COL6A3: variants seen among roughly 807,000 people sequenced by gnomAD.
The protein encoded by COL6A3 is collagen type VI alpha 3 chain.
COL6A3 carries 137 observed loss-of-function variants against 274.1 expected under a neutral mutation model. The observed-to-expected ratio is 0.50, with a 90% confidence interval of 0.44 to 0.58. The LOEUF is 0.58. COL6A3 is among the 20% of genes least tolerant of loss of function. The pLI, the probability that COL6A3 is intolerant of heterozygous loss-of-function variation, is 0.00. For synonymous variants in COL6A3, 1,650 were observed against 1,650.6 expected (o/e 1.00, Z 0.01); for missense variants, 3,950 against 4,124.9 (o/e 0.96, Z 1.16).
Position 237,371,555 on chromosome 2 carries a change from G to A in COL6A3, c.4285+177C>T. The A allele has an allele frequency of 7.3e-7, 1 of 1,370,410 alleles. No individual in the cohort carries two copies. 84.9% of individuals were successfully genotyped at this position (1,370,410 alleles called of 1,614,324 possible). ...AGAGGTTAAAATGAGTTATGATCAT[G>A]CCACTGCACTCCAGCCTGGACGACA... On this transcript the variant is annotated intron_variant, in intron 9 of 43. Coordinates refer to ENST00000295550, the MANE Select transcript of COL6A3 (RefSeq NM_004369.4). The surrounding 1 kb of genome is among the most constrained non-coding windows in gnomAD (Gnocchi z 4.3).
chr2:237,380,112 G>A (rs1405743642), intron 5 of COL6A3, among the ~76,000 whole-genome samples: 1 of 143,338 alleles, frequency 7.0e-6, no homozygotes, highest in Non-Finnish European at 1.5e-5. Context: ...AAAGTTTTAA[G>A]AAAAATTTTA....
At chr2:237,395,769 CTT>C (rs966971809) in intron 2 of COL6A3, among the ~76,000 whole-genome samples, 1 of 152,166 alleles carries the variant, frequency 6.6e-6, no homozygotes, top group African/African-American at 2.4e-5. Flanking sequence ...AGGGAAAAGA[CTT>C]ATTTTTTCCA....
chr2:237,400,476 A>G (rs1393102524), intron 1 of COL6A3, among the ~76,000 whole-genome samples: 1 of 152,214 alleles, frequency 6.6e-6, no homozygotes, highest in Admixed American at 6.5e-5. Flanking sequence ...TGAGGAAAAT[A>G]GCACACCAAG....
At position 237,340,909 on chromosome 2, in the gene COL6A3, G is replaced by A. The variant is rs528369978; in HGVS notation, c.8007C>T (p.His2669=). Residue 2669 remains histidine, a synonymous_variant, in exon 38 of 44, where the codon CAC becomes CAT. Coordinates refer to ENST00000295550, the MANE Select transcript of COL6A3 (RefSeq NM_004369.4). ...QHFARVAVVQ[H]APSESVDNAS... is the part of the protein sequence containing the mutation. ...CATTGTCCACGGACTCAGAGGGCGC[G>A]TGCTGCACAACTGCCACTCTGGCGA... 336 of 1,613,326 alleles carry A rather than the reference G, an allele frequency of 2.1e-4. 2 individuals are homozygous for A. Among genetic ancestry groups the A allele is most frequent in the South Asian group, 1.9e-3 (176 of 91,038 alleles).
intron 1 of COL6A3, among the ~76,000 whole-genome samples, chr2:237,399,418 C>A (rs2106395044): frequency 6.6e-6 from 1 of 152,318 alleles, no homozygotes; most frequent in South Asian, 2.1e-4. Flanking sequence ...TTGGTAAATG[C>A]CTGACGCGGA....
intron 37 of COL6A3, among the ~76,000 whole-genome samples, chr2:237,341,557 A>C (rs1456568469): frequency 1.3e-5 from 2 of 151,082 alleles, no homozygotes; most frequent in East Asian, 1.9e-4. Context: ...AAAAAAAAAA[A>C]AAAAAAAAAA....
chr2:237,367,195 T>G lies in COL6A3; in HGVS notation c.4992A>C (p.Glu1664Asp). 6.2e-7 allele frequency: 1 copy of G among 1,614,056 alleles called. No homozygotes were observed. Among genetic ancestry groups the G allele is most frequent in the Non-Finnish European group, 8.5e-7 (1 of 1,179,938 alleles). Residue 1664 changes from glutamate to aspartate, a missense_variant, in exon 11 of 44, where the codon GAA becomes GAC. This residue lies in a region of COL6A3 where 632 missense variants were observed against 623.4 expected (regional missense o/e 1.01). Transcript: ENST00000295550. ...CATCTTCATAAACTGTGTCCACTAT[T>G]TCAGACACAAAACGAAGCACTTCCT... ...SFQEVLRFVS[E>D]IVDTVYEDGD...
At chr2:237,333,698 A>T in intron 41 of COL6A3, 150 bp from the exon 42 acceptor site, 2 of 703,268 alleles carry the variant, frequency 2.8e-6, no homozygotes, top group Non-Finnish European at 4.9e-6. Flanking sequence ...ACACCTCTAC[A>T]TCCACGACTT....
In COL6A3 at chr2:237,403,968, T is replaced by TA. The variant is rs373585691; in HGVS notation, c.-30-7122dup. Among the ~76,000 whole-genome samples, 949 of 142,622 alleles carry TA rather than the reference T, an allele frequency of 6.7e-3. 10 individuals are homozygous for TA. The highest frequency in any genetic ancestry group is 0.022 in the African/African-American group (874 of 39,120). The allele number at this position is 142,622 out of a possible 152,430, so 93.6% of individuals were successfully genotyped here. A position where few individuals can be genotyped will look rare whatever the true frequency, so the allele number is the denominator to read the frequency against. Reference sequence around the variant, plus strand: ...ACCCATTCCTGAGTGTTTCTTCAAATAAAAAAAAAAAGCAATTGCAATATC... The same window carrying TA: ...ACCCATTCCTGAGTGTTTCTTCAAATAAAAAAAAAAAAGCAATTGCAATATC... On this transcript the variant is annotated intron_variant, in intron 1 of 43. Coordinates refer to ENST00000295550, the MANE Select transcript of COL6A3 (RefSeq NM_004369.4).
At chr2:237,363,208 T>G in intron 14 of COL6A3, 45 bp downstream of exon 14, 6 of 1,590,082 alleles carry the variant, frequency 3.8e-6, no homozygotes, top group Non-Finnish European at 5.2e-6. Context: ...CCAAAAGGTG[T>G]GGTATCTACA....
chr2:237,394,231 A>G (rs1173684338), intron 3 of COL6A3, among the ~76,000 whole-genome samples: 1 of 152,246 alleles, frequency 6.6e-6, no homozygotes, highest in Admixed American at 6.5e-5. Context: ...TAAAGGAAAC[A>G]GATCCCAACA....
intron 4 of COL6A3, among the ~76,000 whole-genome samples, chr2:237,386,882 G>A (rs986414590): frequency 3.9e-5 from 6 of 152,152 alleles, no homozygotes; most frequent in African/African-American, 1.4e-4. Context: ...TTTGTTAAGT[G>A]CATATTTGTT....
At chr2:237,350,399 T>C (rs2077180887) in intron 27 of COL6A3, among the ~76,000 whole-genome samples, 190 bp from the exon 28 acceptor site, 1 of 152,116 alleles carries the variant, frequency 6.6e-6, no homozygotes, top group African/African-American at 2.4e-5. Flanking sequence ...GAGGGTTTTG[T>C]TTGTCCTTTT....
intron 4 of COL6A3, among the ~76,000 whole-genome samples, chr2:237,386,086 G>C (rs191393227): frequency 2.6e-5 from 4 of 152,330 alleles, no homozygotes; most frequent in Non-Finnish European, 5.9e-5. Flanking sequence ...GCCATAGCCT[G>C]AGCTTTCTAC....
Position 237,381,613 on chromosome 2 carries a change from G to C in COL6A3, c.1313-114C>G, listed in dbSNP as rs1273990539. 13 of 880,210 alleles carry C rather than the reference G, an allele frequency of 1.5e-5. 1 individual carries two copies. The South Asian group carries it at 1.7e-4, about 12-fold the overall frequency. 54.5% of individuals were successfully genotyped at this position (880,210 alleles called of 1,614,324 possible). A position where few individuals can be genotyped will look rare whatever the true frequency, so the allele number is the denominator to read the frequency against. On this transcript the variant is annotated intron_variant, in intron 4 of 43. Transcript: ENST00000295550. ...GACACCCTCATTTACTGTGGCCAAC[G>C]TGACCACAGGGCCACCCCAAAGGGA...
chr2:237,349,092 C>G (rs1227705878), intron 28 of COL6A3, among the ~76,000 whole-genome samples: 2 of 151,578 alleles, frequency 1.3e-5, no homozygotes, highest in African/African-American at 4.9e-5. Context: ...GGTCATATTC[C>G]CCCTCCCCAT....
chr2:237,396,011 G>A lies in COL6A3; in HGVS notation c.91+716C>T, dbSNP rs73093796. Among the ~76,000 whole-genome samples, 403 of 152,290 alleles carry A rather than the reference G, an allele frequency of 2.6e-3. 4 individuals carry two copies. The highest frequency in any genetic ancestry group is 9.4e-3 in the African/African-American group (391 of 41,562). On this transcript the variant is annotated intron_variant, in intron 2 of 43. Coordinates refer to ENST00000295550, the MANE Select transcript of COL6A3 (RefSeq NM_004369.4). Reference sequence around the variant, plus strand: ...TCTACTTACCTCAGGCTGACCTGATGCCCCAACCCACGTTCTTCTTCCATT... The same window carrying A: ...TCTACTTACCTCAGGCTGACCTGATACCCCAACCCACGTTCTTCTTCCATT...
In COL6A3 at chr2:237,407,140, G is replaced by A. The variant is rs1203253542; in HGVS notation, c.-31+6813C>T. Among the ~76,000 whole-genome samples, 1 of 151,834 alleles carries A rather than the reference G, an allele frequency of 6.6e-6. No homozygotes were observed. Among genetic ancestry groups the A allele is most frequent in the East Asian group, 1.9e-4 (1 of 5,182 alleles). ...TTGCCCAGGCTGGTCTCAAACTCTTGGGCTCAAGGGATCCTCCTGCCCTGG... is the reference window on the plus strand; with the variant it reads ...TTGCCCAGGCTGGTCTCAAACTCTTAGGCTCAAGGGATCCTCCTGCCCTGG... On this transcript the variant is annotated intron_variant, in intron 1 of 43. Coordinates refer to ENST00000295550, the MANE Select transcript of COL6A3 (RefSeq NM_004369.4). This position sits in a 1 kb window ranked among gnomAD's most constrained non-coding sequence, Gnocchi z 4.3.
At position 237,368,792 on chromosome 2, in the gene COL6A3, G is replaced by T; in HGVS notation, c.4671C>A (p.Ser1557=). Residue 1557 remains serine (S), a synonymous_variant, in exon 10 of 44, where the codon TCC becomes TCA. Coordinates refer to ENST00000295550, the MANE Select transcript of COL6A3 (RefSeq NM_004369.4). The surrounding 1 kb of genome is among the most constrained non-coding windows in gnomAD (Gnocchi z 4.4). ...VLGGKSQDDV[S]RFAQVIRSSG... ...AGGAACGGATCACCTGGGCGAACCT[G>T]GACACATCGTCCTGGGATTTTCCAC... 6 of 1,614,192 alleles carry T rather than the reference G, an allele frequency of 3.7e-6. No individual in the cohort carries two copies. In the African/African-American group the frequency reaches 4.0e-5, roughly 11 times the overall value.
Sources: gnomAD v4.1 joint callset for allele counts (sites outside exome capture counted in the v4.1 genomes callset) on GRCh38, gnomAD v4.1.1 for gene constraint, gnomAD v4.1.1 regional missense constraint, Gnocchi (gnomAD v3.1) non-coding constraint, MANE v1.5 for transcripts, NCBI Gene and HGNC (gene_info 2026-07-23, HGNC 2026-07-21) for gene names.